Variants in RGS7 observed in about 807,000 individuals in gnomAD.
RGS7 encodes regulator of G protein signaling 7, also known as regulator of G-protein signaling 7.
Under a neutral mutation model 81.1 loss-of-function variants are expected in RGS7, and 27 were observed. The observed-to-expected ratio is 0.33, with a 90% CI of 0.25 to 0.46. The LOEUF is 0.46. Among genes scored for constraint, RGS7 ranks in the 20% least tolerant of loss-of-function variants. RGS7 has a pLI of 1.00. For missense variants in RGS7, 396 were observed against 607.4 expected (o/e 0.65, Z 3.66); for synonymous variants, 208 against 207.7 (o/e 1.00, Z -0.01).
intron 2 of RGS7, among the ~76,000 whole-genome samples, chr1:241,345,338 T>C (rs951951738): frequency 2.0e-5 from 3 of 152,120 alleles, no homozygotes; most frequent in Non-Finnish European, 4.4e-5. Flanking sequence ...CAAACCCCCA[T>C]GATATGGGTT....
At chr1:240,845,219 T>C (rs79309476) in intron 9 of RGS7, among the ~76,000 whole-genome samples, 15 of 152,194 alleles carry the variant, frequency 9.9e-5, no homozygotes, top group African/African-American at 3.6e-4. Context: ...TTGCATTTAC[T>C]TGACACAATC....
intron 2 of RGS7, among the ~76,000 whole-genome samples, chr1:241,159,539 C>A (rs2069460294): frequency 6.6e-6 from 1 of 152,076 alleles, no homozygotes; most frequent in Non-Finnish European, 1.5e-5. Flanking sequence ...CTAATTTATC[C>A]CTTACTGAAC....
At chr1:241,078,604 C>G (rs2148889713) in intron 3 of RGS7, among the ~76,000 whole-genome samples, 1 of 151,646 alleles carries the variant, frequency 6.6e-6, no homozygotes, top group East Asian at 1.9e-4. Flanking sequence ...TTTATTCTTC[C>G]TTGTTCCATA....
chr1:241,044,112 GT>G (rs11355364), intron 3 of RGS7, among the ~76,000 whole-genome samples: 24,318 of 120,926 alleles, frequency 0.2, 2,073 homozygotes, highest in Non-Finnish European at 0.25. Flanking sequence ...TGTTTTTTTT[GT>G]TTTTTTTTTT....
rs1183814393 is a variant in RGS7 at position 240,980,998 on chromosome 1, T to C, written c.226+2081A>G. Among the ~76,000 whole-genome samples, 5 of 152,208 alleles carry C rather than the reference T, an allele frequency of 3.3e-5. No homozygotes were observed. In the East Asian group the frequency reaches 9.6e-4, roughly 29 times the overall value. On this transcript the variant is annotated intron_variant, in intron 4 of 18. Transcript: ENST00000440928. ...CATGCACATTATAGCTAAAACAAGA[T>C]CCTACCTGTAAATTATAAACAATGA...
At chr1:241,042,647 G>GGGCCGGGCCA (rs142176417) in intron 3 of RGS7, among the ~76,000 whole-genome samples, 10,733 of 151,782 alleles carry the variant, frequency 0.071, 579 homozygotes, top group African/African-American at 0.14. Flanking sequence ...TCCCTTGGCC[G>GGGCCGGGCCA]GGCCGGGCTT....
Position 241,195,377 on chromosome 1 carries a change from G to A in RGS7, c.79-96615C>T, listed in dbSNP as rs139006341. On this transcript the variant is annotated intron_variant, in intron 2 of 18. Coordinates refer to ENST00000440928, the MANE Select transcript of RGS7 (RefSeq NM_001364886.1). ...TGTAATCCCAGCTACTCAGGAAGCT[G>A]AGGCAGAAGAATCACTCGAACCCGG... Among the ~76,000 whole-genome samples the A allele has an allele frequency of 9.5e-3, 1,439 of 152,188 alleles. 14 individuals are homozygous for A. The highest frequency in any genetic ancestry group is 0.015 in the Non-Finnish European group (995 of 68,016).
chr1:241,159,440 C>A lies in RGS7; in HGVS notation c.79-60678G>T, dbSNP rs146012932. Among the ~76,000 whole-genome samples the A allele has an allele frequency of 1.5e-3, 228 of 152,254 alleles. 2 individuals carry two copies. The Middle Eastern group carries it at 0.02, about 14-fold the overall frequency. The stretch of plus-strand genomic sequence containing the variant: ...ACACCTACTTATCCTTCTAGAACAA[C>A]CTAAATGTAGGAACTTTCCAAATTC... On this transcript the variant is annotated intron_variant, in intron 2 of 18. Transcript: ENST00000440928.
At chr1:241,104,886 C>T (rs2065006934) in intron 2 of RGS7, among the ~76,000 whole-genome samples, 1 of 152,010 alleles carries the variant, frequency 6.6e-6, no homozygotes, top group Admixed American at 6.5e-5. Context: ...TGGAGGCTCA[C>T]TTTAAAAAGA....
At chr1:241,343,569 A>G (rs889557055) in intron 2 of RGS7, among the ~76,000 whole-genome samples, 8 of 152,218 alleles carry the variant, frequency 5.3e-5, no homozygotes, top group African/African-American at 1.9e-4. Flanking sequence ...TAAGCCAGTC[A>G]CATATAATAC....
chr1:241,112,561 G>C (rs531285523), intron 2 of RGS7, among the ~76,000 whole-genome samples: 11 of 152,322 alleles, frequency 7.2e-5, no homozygotes, highest in African/African-American at 2.6e-4. Flanking sequence ...CTAAATATAA[G>C]TATGGTGATT....
chr1:241,272,607 T>A (rs1317418065), intron 2 of RGS7, among the ~76,000 whole-genome samples: 1 of 152,212 alleles, frequency 6.6e-6, no homozygotes, highest in Non-Finnish European at 1.5e-5. Context: ...TTTCCAGTGG[T>A]TGAGGTCTTT....
Position 240,868,892 on chromosome 1 carries a change from T to C in RGS7, c.451-40A>G, listed in dbSNP as rs768792156. 1 of 1,557,724 alleles carries C rather than the reference T, an allele frequency of 6.4e-7. No individual in the cohort carries two copies. Among genetic ancestry groups the C allele is most frequent in the Non-Finnish European group, 8.9e-7 (1 of 1,128,752 alleles). ...CCAGGTGAAGACATTTGGTGTTCATTGTCACTGCTCTCTTCTAGCTTAGTT... is the reference window on the plus strand; with the variant it reads ...CCAGGTGAAGACATTTGGTGTTCATCGTCACTGCTCTCTTCTAGCTTAGTT... On this transcript the variant is annotated intron_variant, in intron 7 of 18. Transcript: ENST00000440928. The surrounding 1 kb of genome is among the most constrained non-coding windows in gnomAD (Gnocchi z 5.1).
At chr1:241,291,411 T>C (rs1573529581) in intron 2 of RGS7, among the ~76,000 whole-genome samples, 2 of 152,154 alleles carry the variant, frequency 1.3e-5, no homozygotes, top group African/African-American at 4.8e-5. Flanking sequence ...GAATTTTCAC[T>C]GGTCACCAAC....
At chr1:240,925,993 G>A (rs1051827222) in intron 6 of RGS7, among the ~76,000 whole-genome samples, 1 of 152,032 alleles carries the variant, frequency 6.6e-6, no homozygotes, top group African/African-American at 2.4e-5. Flanking sequence ...TTGTTGTATT[G>A]TTTAAGTTCC....
intron 2 of RGS7, among the ~76,000 whole-genome samples, chr1:241,135,426 G>GAA: frequency 6.6e-6 from 1 of 152,138 alleles, no homozygotes; most frequent in African/African-American, 2.4e-5. Flanking sequence ...GACTCCGTCT[G>GAA]AACAACAACA....
chr1:241,002,308 C>A (rs1240298143), intron 3 of RGS7, among the ~76,000 whole-genome samples: 2 of 151,846 alleles, frequency 1.3e-5, no homozygotes, highest in Non-Finnish European at 2.9e-5. Flanking sequence ...AAAAAATTAG[C>A]CGAGCTTGGT....
intron 2 of RGS7, among the ~76,000 whole-genome samples, chr1:241,170,640 C>T (rs775474780): frequency 7.2e-5 from 11 of 152,254 alleles, no homozygotes; most frequent in South Asian, 2.1e-4. Flanking sequence ...ACTGGCAGAG[C>T]AATGATGCAA....
chr1:240,983,801 C>T (rs1241220738), intron 3 of RGS7, among the ~76,000 whole-genome samples: 1 of 152,114 alleles, frequency 6.6e-6, no homozygotes, highest in African/African-American at 2.4e-5. Flanking sequence ...TTGATGAATG[C>T]CCCAAAGTAA....
Sources: allele counts gnomAD v4.1 joint callset (sites outside exome capture counted in the v4.1 genomes callset), GRCh38; gene constraint gnomAD v4.1.1; non-coding constraint Gnocchi (gnomAD v3.1); transcripts MANE v1.5; gene names NCBI Gene and HGNC (gene_info 2026-07-23, HGNC 2026-07-21).